CLYBL: variants seen among roughly 807,000 people sequenced by gnomAD.
CLYBL encodes citramalyl-CoA lyase, also known as citramalyl-CoA lyase, mitochondrial.
CLYBL carries 31 observed loss-of-function variants against 38.9 expected under a neutral mutation model. The observed-to-expected ratio is 0.80, with a 90% confidence interval of 0.60 to 1.08. The LOEUF is 1.08. Ranked by LOEUF, CLYBL falls within the 50% of genes least tolerant of loss-of-function variation. CLYBL has a pLI of 0.00. For missense variants in CLYBL, 434 were observed against 411.6 expected (o/e 1.05, Z -0.47); for synonymous variants, 171 against 158.6 (o/e 1.08, Z -0.59).
chr13:99,715,416 CTTT>C (rs55690124), intron 1 of CLYBL, among the ~76,000 whole-genome samples: 1 of 141,258 alleles, frequency 7.1e-6, no homozygotes. Flanking sequence ...TTTTTCTTTT[CTTT>C]TTTTTTTTTT....
At chr13:99,687,641 A>G (rs1348962187) in intron 1 of CLYBL, among the ~76,000 whole-genome samples, 1 of 152,238 alleles carries the variant, frequency 6.6e-6, no homozygotes, top group Non-Finnish European at 1.5e-5. Context: ...CAAAAGACAT[A>G]AGGGACTATA....
At chr13:99,616,312 C>T (rs1029938831) in intron 1 of CLYBL, among the ~76,000 whole-genome samples, 8 of 152,112 alleles carry the variant, frequency 5.3e-5, no homozygotes, top group Admixed American at 1.3e-4. Flanking sequence ...CATGTGCTAC[C>T]ACACCCAGCT....
intron 2 of CLYBL, among the ~76,000 whole-genome samples, chr13:99,818,634 C>T (rs2050510931): frequency 6.6e-6 from 1 of 152,194 alleles, no homozygotes; most frequent in Non-Finnish European, 1.5e-5. Context: ...ATTTTAACCT[C>T]TTCTGTTTCT....
At chr13:99,670,706 AC>A (rs2047553440) in intron 1 of CLYBL, among the ~76,000 whole-genome samples, 2 of 152,068 alleles carry the variant, frequency 1.3e-5, no homozygotes, top group African/African-American at 4.8e-5. Flanking sequence ...TGCAAAATTG[AC>A]CCCCTGATCT....
intron 2 of CLYBL, among the ~76,000 whole-genome samples, chr13:99,848,000 GCTCC>G (rs1333696350): frequency 2.6e-5 from 4 of 152,174 alleles, no homozygotes; most frequent in African/African-American, 9.7e-5. Context: ...CCTGGTTCAA[GCTCC>G]CTCCCTCCAT....
chr13:99,891,065 A>T (rs1049903933), intron 7 of CLYBL, among the ~76,000 whole-genome samples: 2 of 152,126 alleles, frequency 1.3e-5, no homozygotes, highest in African/African-American at 4.8e-5. Context: ...AGTTAACTGA[A>T]CAGTTTGCTG....
intron 2 of CLYBL, among the ~76,000 whole-genome samples, chr13:99,842,262 CTG>C (rs2051101408): frequency 1.3e-5 from 2 of 152,258 alleles, no homozygotes; most frequent in African/African-American, 2.4e-5. Context: ...CTTGGCATCT[CTG>C]TGTCTTCAAG....
intron 1 of CLYBL, among the ~76,000 whole-genome samples, chr13:99,744,590 G>A (rs1353118106): frequency 6.6e-6 from 1 of 152,168 alleles, no homozygotes. Context: ...ACCTGTACAA[G>A]TGGAGAACGC....
At chr13:99,885,856 C>T (rs2052336761) in intron 7 of CLYBL, among the ~76,000 whole-genome samples, 2 of 152,288 alleles carry the variant, frequency 1.3e-5, no homozygotes, top group South Asian at 4.1e-4. Flanking sequence ...TTTCAGGGCG[C>T]TGTTGACCTC....
intron 9 of CLYBL, among the ~76,000 whole-genome samples, chr13:99,906,548 T>A (rs2052700416): frequency 6.6e-6 from 1 of 151,986 alleles, no homozygotes. Context: ...CTCAGCCTCC[T>A]GAGTAGCTGG....
intron 1 of CLYBL, among the ~76,000 whole-genome samples, chr13:99,731,211 C>T (rs2048584321): frequency 6.7e-6 from 1 of 150,020 alleles, no homozygotes; most frequent in African/African-American, 2.5e-5. Context: ...TAAACATGGA[C>T]AGAAAAGTTG....
Position 99,868,071 on chromosome 13 carries a change from G to A in CLYBL, c.802+1664G>A, listed in dbSNP as rs546007682. 5.3e-5 allele frequency among the ~76,000 whole-genome samples: 8 copies of A among 152,044 alleles called. No homozygotes were observed. The East Asian group carries it at 7.8e-4, about 15-fold the overall frequency. The stretch of plus-strand genomic sequence containing the variant: ...CCTGGCACTATTGTTTCTCCACGAC[G>A]GGGAGTATTAAATCGCTAAAAAAAA... On this transcript the variant is annotated intron_variant, in intron 6 of 8. Coordinates refer to ENST00000339105, the MANE Select transcript of CLYBL (RefSeq NM_206808.5).
At chr13:99,748,729 G>A (rs1012395646) in intron 1 of CLYBL, among the ~76,000 whole-genome samples, 16 of 151,676 alleles carry the variant, frequency 1.1e-4, no homozygotes, top group Admixed American at 3.3e-4. Context: ...ATGAGCCACC[G>A]CGCACGGCCT....
intron 7 of CLYBL, 50 bp downstream of exon 7, chr13:99,871,112 C>T (rs775380095): frequency 3.3e-5 from 52 of 1,598,522 alleles, no homozygotes; most frequent in African/African-American, 1.7e-4. Context: ...AAAATATTGT[C>T]GGGAAGAATG....
intron 2 of CLYBL, among the ~76,000 whole-genome samples, chr13:99,813,579 TACTG>T (rs772874907): frequency 5.9e-5 from 9 of 152,186 alleles, no homozygotes; most frequent in Non-Finnish European, 1.3e-4. Flanking sequence ...GCCACTAACT[TACTG>T]ACTAACCACT....
At chr13:99,727,806 G>A (rs1051749072) in intron 1 of CLYBL, among the ~76,000 whole-genome samples, 3 of 152,116 alleles carry the variant, frequency 2.0e-5, no homozygotes, top group Admixed American at 1.3e-4. Flanking sequence ...TGCCGGGTGC[G>A]GTGGCTCATG....
At chr13:99,866,146 T>C (rs2390354) in intron 5 of CLYBL, 94 bp from the exon 6 acceptor site, 1 of 1,238,358 alleles carries the variant, frequency 8.1e-7, no homozygotes, top group Non-Finnish European at 1.2e-6. Context: ...CCAGGGAGGT[T>C]TAGATATCTG....
At chr13:99,897,940 C>CAAAAA (rs10635703), downstream of CLYBL, among the ~76,000 whole-genome samples, 6,754 of 149,642 alleles carry the variant, frequency 0.045, 179 homozygotes, top group African/African-American at 0.062. Context: ...AATGCCGTCT[C>CAAAAA]AAAAAAAAGA....
chr13:99,832,208 TGA>T (rs2050817885), intron 2 of CLYBL, among the ~76,000 whole-genome samples: 1 of 152,250 alleles, frequency 6.6e-6, no homozygotes, highest in Non-Finnish European at 1.5e-5. Context: ...CTTTGATGGT[TGA>T]CTCCCATTAG....
Sources: gnomAD v4.1 joint callset for allele counts (sites outside exome capture counted in the v4.1 genomes callset) on GRCh38, gnomAD v4.1.1 for gene constraint, MANE v1.5 for transcripts, NCBI Gene and HGNC (gene_info 2026-07-23, HGNC 2026-07-21) for gene names.